The following ACOXL variants were observed in gnomAD, a reference collection of about 807,000 sequenced individuals.
ACOXL encodes the protein acyl-coenzyme A oxidase-like protein.
ACOXL carries 70 observed loss-of-function variants against 71.9 expected under a neutral mutation model. The observed-to-expected ratio is 0.97, with a 90% CI of 0.80 to 1.19. The LOEUF is 1.19. Ranked by LOEUF, ACOXL falls within the 50% of genes most tolerant of loss-of-function variation. The pLI, the probability that ACOXL is intolerant of heterozygous loss-of-function variation, is 0.00. For missense variants in ACOXL, 703 were observed against 736.3 expected, an observed-to-expected ratio of 0.95 and a Z score of 0.52; for synonymous variants, 253 against 281.6, an observed-to-expected ratio of 0.90 and a Z score of 1.02.
At chr2:111,062,256 A>G (rs79511301) in intron 16 of ACOXL, among the ~76,000 whole-genome samples, 1,539 of 152,186 alleles carry the variant, frequency 0.01, 26 homozygotes, top group African/African-American at 0.034. Context: ...AAAAGTGTCA[A>G]TCCACCAAGA....
Position 110,799,038 on chromosome 2 carries a change from T to C in ACOXL, c.485T>C (p.Val162Ala). The C allele has an allele frequency of 6.2e-7, 1 of 1,613,910 alleles. No homozygotes were observed. Among genetic ancestry groups the C allele is most frequent in the Non-Finnish European group, 8.5e-7 (1 of 1,179,914 alleles). ...SQGPHCFIVP[V>A]RDENGSLYPG... ...GGGCCCCACTGTTTCATCGTTCCTG[T>C]CCGGGATGAAAACGGAAGCTTGTAC... Residue 162 changes from valine to alanine, a missense_variant, in exon 7 of 18, where the codon GTC becomes GCC. Physicochemically the swap from Val to Ala is moderately conservative, Grantham distance 64. Transcript: ENST00000439055.
chr2:110,860,876 T>A (rs1183687791), intron 10 of ACOXL, among the ~76,000 whole-genome samples: 7 of 152,068 alleles, frequency 4.6e-5, no homozygotes, highest in African/African-American at 1.4e-4. Context: ...CCCCCTGTTA[T>A]CCACTGGTTC....
intron 3 of ACOXL, among the ~76,000 whole-genome samples, chr2:110,791,785 G>A (rs1223733875): frequency 6.6e-6 from 1 of 152,190 alleles, no homozygotes; most frequent in Non-Finnish European, 1.5e-5. Context: ...GTTCATACAC[G>A]TGGGGTATGA....
chr2:110,935,309 G>T (rs2060620995), intron 12 of ACOXL, among the ~76,000 whole-genome samples: 1 of 152,092 alleles, frequency 6.6e-6, no homozygotes, highest in Admixed American at 6.5e-5. Flanking sequence ...AGGTGGGCAG[G>T]CCCAGGGGTC....
chr2:110,863,347 G>A (rs529632670), intron 10 of ACOXL, among the ~76,000 whole-genome samples: 71 of 152,302 alleles, frequency 4.7e-4, no homozygotes, highest in African/African-American at 1.6e-3. Context: ...ATCAGGTTGC[G>A]TGTGCAATAT....
At chr2:110,850,901 G>C (rs1411100253) in intron 10 of ACOXL, among the ~76,000 whole-genome samples, 1 of 152,170 alleles carries the variant, frequency 6.6e-6, no homozygotes, top group Non-Finnish European at 1.5e-5. Flanking sequence ...TCAAACTGAA[G>C]ACAATTCCAA....
At chr2:111,108,657 G>A (rs190145374) in intron 17 of ACOXL, among the ~76,000 whole-genome samples, 284 of 152,308 alleles carry the variant, frequency 1.9e-3, no homozygotes, top group African/African-American at 6.7e-3. Flanking sequence ...GATTACTGGC[G>A]TGAGCCACCA....
At chr2:110,741,955 G>C (rs1390792058) in intron 1 of ACOXL, among the ~76,000 whole-genome samples, 1 of 152,186 alleles carries the variant, frequency 6.6e-6, no homozygotes, top group South Asian at 2.1e-4. Context: ...GTTTTCTTGC[G>C]AGTCTCACAA....
intron 16 of ACOXL, among the ~76,000 whole-genome samples, chr2:111,070,270 G>T (rs1468220516): frequency 1.3e-5 from 2 of 152,114 alleles, no homozygotes; most frequent in Non-Finnish European, 2.9e-5. Context: ...CCCATCAATG[G>T]TAGACTGGAT....
At position 110,832,103 on chromosome 2, in the gene ACOXL, G is replaced by A. The variant is rs538183738; in HGVS notation, c.754-9268G>A. ...TCCCAGCTACTTGGGAGGAGTTTGC[G>A]GCTTCAGTGAGTTATGATCATGCCA... On this transcript the variant is annotated intron_variant, in intron 9 of 17. Coordinates refer to ENST00000439055, the MANE Select transcript of ACOXL (RefSeq NM_001142807.4). Among the ~76,000 whole-genome samples, 10 of 152,168 alleles carry A rather than the reference G, an allele frequency of 6.6e-5. No homozygotes were observed. In the East Asian group the frequency reaches 9.7e-4, roughly 15 times the overall value.
chr2:110,734,771 C>T (rs1676627153), intron 1 of ACOXL, among the ~76,000 whole-genome samples: 1 of 151,942 alleles, frequency 6.6e-6, no homozygotes, highest in Non-Finnish European at 1.5e-5. Context: ...TTGAGGCAAG[C>T]AGAAGGGACT....
At chr2:111,042,673 T>G (rs1191997915) in intron 15 of ACOXL, among the ~76,000 whole-genome samples, 1 of 152,072 alleles carries the variant, frequency 6.6e-6, no homozygotes, top group Non-Finnish European at 1.5e-5. Context: ...GGTCGTGAGG[T>G]GTGCTGGATG....
chr2:110,898,899 G>A (rs1306839112), intron 10 of ACOXL, among the ~76,000 whole-genome samples: 1 of 152,124 alleles, frequency 6.6e-6, no homozygotes, highest in East Asian at 1.9e-4. Context: ...GTCATAGGGT[G>A]CAAAAATAAA....
intron 15 of ACOXL, among the ~76,000 whole-genome samples, chr2:111,045,837 G>A (rs1184465947): frequency 6.6e-6 from 1 of 152,198 alleles, no homozygotes; most frequent in Non-Finnish European, 1.5e-5. Flanking sequence ...AGGGCTGTAG[G>A]CTGCTAGCCC....
intron 10 of ACOXL, among the ~76,000 whole-genome samples, chr2:110,881,989 A>G (rs1271269927): frequency 6.6e-6 from 1 of 152,120 alleles, no homozygotes; most frequent in Non-Finnish European, 1.5e-5. Flanking sequence ...TCTCAGGCAA[A>G]TAAGAATAGA....
intron 16 of ACOXL, among the ~76,000 whole-genome samples, chr2:111,077,922 C>T (rs2067685063): frequency 6.6e-6 from 1 of 152,178 alleles, no homozygotes; most frequent in Admixed American, 6.5e-5. Context: ...TTGGGGTTCA[C>T]TAAACTTCTG....
At chr2:110,773,922 C>T (rs1189839386) in intron 2 of ACOXL, among the ~76,000 whole-genome samples, 1 of 152,142 alleles carries the variant, frequency 6.6e-6, no homozygotes, top group Non-Finnish European at 1.5e-5. Flanking sequence ...TCTGTGATAG[C>T]CACAGGGATT....
intron 12 of ACOXL, among the ~76,000 whole-genome samples, chr2:110,981,183 T>C (rs1360563758): frequency 6.6e-6 from 1 of 152,114 alleles, no homozygotes; most frequent in Non-Finnish European, 1.5e-5. Context: ...GCCAACATGG[T>C]GAAGCCCCAT....
chr2:110,746,512 C>G (rs1292587436), intron 1 of ACOXL, among the ~76,000 whole-genome samples: 1 of 152,128 alleles, frequency 6.6e-6, no homozygotes, highest in Non-Finnish European at 1.5e-5. Flanking sequence ...GCATGAGTGG[C>G]TCCCAGATTC....
Sources: gnomAD v4.1 joint callset for allele counts (sites outside exome capture counted in the v4.1 genomes callset) on GRCh38, gnomAD v4.1.1 for gene constraint, MANE v1.5 for transcripts, NCBI Gene and HGNC (gene_info 2026-07-23, HGNC 2026-07-21) for gene names.